The following RNF150 variants were observed in gnomAD, a reference collection of about 807,000 sequenced individuals.
The protein encoded by RNF150 is ring finger protein 150.
In RNF150, 24 loss-of-function variants were observed where a neutral mutation model predicts 39.3. The observed-to-expected ratio is 0.61, with a 90% CI of 0.44 to 0.86. The LOEUF (loss-of-function observed/expected upper bound fraction) is 0.86, where lower values mean the gene tolerates loss of function less well. RNF150 is among the 40% of genes least tolerant of loss of function. The pLI is 0.00. For synonymous variants in RNF150, 255 were observed against 227.3 expected, an observed-to-expected ratio of 1.12 and a Z score of -1.10; for missense variants, 502 against 587.8, an observed-to-expected ratio of 0.85 and a Z score of 1.51.
intron 6 of RNF150, among the ~76,000 whole-genome samples, chr4:140,873,411 T>TC (rs1465929294): frequency 2.0e-5 from 3 of 151,460 alleles, no homozygotes; most frequent in South Asian, 2.1e-4. Flanking sequence ...AGGAAGGTAA[T>TC]CCCCCCAAAG....
chr4:141,135,636 A>G (rs1436013079), upstream of RNF150, among the ~76,000 whole-genome samples: 2 of 152,236 alleles, frequency 1.3e-5, no homozygotes, highest in Admixed American at 1.3e-4. Context: ...AGAAATACCT[A>G]CTGATAAGGA....
At position 140,864,578 on chromosome 4, in the gene RNF150, C is replaced by T. The variant is rs2111166908; in HGVS notation, c.*3683G>A. 6.6e-6 allele frequency: 1 copy of T among 152,302 alleles called. No individual in the cohort carries two copies. Among genetic ancestry groups the T allele is most frequent in the East Asian group, 1.9e-4 (1 of 5,188 alleles). The allele number at this position is 152,302 out of a possible 1,614,324, so 9.4% of individuals were successfully genotyped here. A position where few individuals can be genotyped will look rare whatever the true frequency, so the allele number is the denominator to read the frequency against. ...TTCAAGAAGGCCACATAAAGTCTTG[C>T]ATTTCTCATTCTTTCCTCCCAAGTT... On this transcript the variant is annotated 3_prime_UTR_variant, in exon 7 of 7. Transcript: ENST00000515673.
intron 6 of RNF150, 156 bp downstream of exon 6, chr4:140,910,988 A>C: frequency 1.5e-6 from 1 of 652,310 alleles, no homozygotes; most frequent in East Asian, 2.7e-5. Context: ...GCTCTAGGAA[A>C]GGCAGTTCTT....
intron 1 of RNF150, among the ~76,000 whole-genome samples, chr4:141,205,992 ACT>A (rs1393636283): frequency 6.6e-6 from 1 of 151,834 alleles, no homozygotes; most frequent in Non-Finnish European, 1.5e-5. Context: ...AAGATGATCC[ACT>A]CTTTTTCCAA....
chr4:140,976,711 C>T (rs1418676186), intron 1 of RNF150, among the ~76,000 whole-genome samples: 1 of 151,908 alleles, frequency 6.6e-6, no homozygotes, highest in Non-Finnish European at 1.5e-5. Context: ...GCCCACATTC[C>T]ATGATCCACC....
chr4:140,964,294 C>T (rs1451079487), intron 2 of RNF150, among the ~76,000 whole-genome samples: 1 of 152,056 alleles, frequency 6.6e-6, no homozygotes, highest in Non-Finnish European at 1.5e-5. Context: ...TACTTAAACT[C>T]TCTGTGCTTA....
At chr4:140,960,915 A>G (rs1476702603) in intron 2 of RNF150, among the ~76,000 whole-genome samples, 2 of 152,136 alleles carry the variant, frequency 1.3e-5, no homozygotes, top group Non-Finnish European at 2.9e-5. Flanking sequence ...TATGTCACGC[A>G]TATTTTCTCA....
chr4:141,013,513 C>T lies in RNF150; in HGVS notation c.485-45640G>A, dbSNP rs76948068. Among the ~76,000 whole-genome samples, 491 of 152,288 alleles carry T rather than the reference C, an allele frequency of 3.2e-3. 2 individuals carry two copies. The highest frequency in any genetic ancestry group is 0.011 in the African/African-American group (473 of 41,558). The stretch of plus-strand genomic sequence containing the variant: ...TTTTGAGTTCACACCAAACTACATT[C>T]CAAAGAGTGGCTCTTCTAAGTCTTC... On this transcript the variant is annotated intron_variant, in intron 1 of 6. Transcript: ENST00000515673.
At chr4:140,964,493 C>A (rs941026746) in intron 2 of RNF150, among the ~76,000 whole-genome samples, 2 of 151,764 alleles carry the variant, frequency 1.3e-5, no homozygotes, top group African/African-American at 4.8e-5. Context: ...ATACAACAAT[C>A]CAAAATTTCC....
At chr4:140,886,190 C>CAAAAAAAAAAAA (rs1171164182) in intron 6 of RNF150, among the ~76,000 whole-genome samples, 1 of 73,356 alleles carries the variant, frequency 1.4e-5, no homozygotes, top group Non-Finnish European at 2.6e-5. Flanking sequence ...GACTCCATCA[C>CAAAAAAAAAAAA]AAAAAAAAAA....
intron 5 of RNF150, among the ~76,000 whole-genome samples, chr4:140,912,008 T>C (rs1014827872): frequency 2.0e-5 from 3 of 152,242 alleles, no homozygotes; most frequent in African/African-American, 7.2e-5. Flanking sequence ...CATAAGACTA[T>C]GGTGAGACCC....
rs542342527 is a variant in RNF150, at chr4:141,178,351, T to G, written c.-6+34443A>C. The stretch of plus-strand genomic sequence containing the variant: ...AATTAACAATGCTGGCATAATGGAG[T>G]CTTTTTACATGCCTTGTGATGCAAA... On this transcript the variant is annotated intron_variant, in intron 1 of 7. Coordinates refer to the RNF150 transcript ENST00000420921. 9.2e-5 allele frequency among the ~76,000 whole-genome samples: 14 copies of G among 152,218 alleles called. 1 individual carries two copies. The South Asian group carries it at 2.9e-3, about 32-fold the overall frequency.
At chr4:141,196,993 T>C (rs946496054) in intron 1 of RNF150, among the ~76,000 whole-genome samples, 8 of 152,182 alleles carry the variant, frequency 5.3e-5, no homozygotes, top group Non-Finnish European at 1.0e-4. Flanking sequence ...AACATGAACA[T>C]AAATTAATCT....
rs1349549652 is a variant in RNF150 at position 140,864,632 on chromosome 4, G to A, written c.*3629C>T. The A allele has an allele frequency of 6.6e-6, 1 of 152,154 alleles. No individual in the cohort carries two copies. The highest frequency in any genetic ancestry group is 2.4e-5 in the African/African-American group (1 of 41,420). The allele number at this position is 152,154 out of a possible 1,614,324, so 9.4% of individuals were successfully genotyped here. A position where few individuals can be genotyped will look rare whatever the true frequency, so the allele number is the denominator to read the frequency against. On this transcript the variant is annotated 3_prime_UTR_variant, in exon 7 of 7. Coordinates refer to ENST00000515673, the MANE Select transcript of RNF150 (RefSeq NM_020724.2). ...GAGTTTTCACTACAGCTGTGGGACT[G>A]GGGGACACTGGGAAAGGACTTTCAC...
chr4:141,099,710 T>C (rs1738937084), intron 1 of RNF150, among the ~76,000 whole-genome samples: 2 of 152,068 alleles, frequency 1.3e-5, no homozygotes, highest in Admixed American at 6.6e-5. Flanking sequence ...GATGTCAGTC[T>C]GAACACAAGG....
chr4:141,170,462 A>G (rs909996207), intron 1 of RNF150, among the ~76,000 whole-genome samples: 11 of 152,214 alleles, frequency 7.2e-5, no homozygotes, highest in African/African-American at 2.7e-4. Context: ...AAAAGCAATA[A>G]AAAGTAACTC....
At chr4:141,022,727 A>T (rs542757444) in intron 1 of RNF150, among the ~76,000 whole-genome samples, 2 of 152,314 alleles carry the variant, frequency 1.3e-5, no homozygotes, top group South Asian at 2.1e-4. Context: ...CATCAAGTTG[A>T]GAAAGTATTT....
Position 141,006,594 on chromosome 4 carries a change from G to T in RNF150, c.485-38721C>A, listed in dbSNP as rs1734882351. On this transcript the variant is annotated intron_variant, in intron 1 of 6. Coordinates refer to ENST00000515673, the MANE Select transcript of RNF150 (RefSeq NM_020724.2). Reference sequence around the variant, plus strand: ...AGACGCTTGTTTTGTTTGACATTAGGAAATCTGAAGTTGTGGCACTGCCAA... The same window carrying T: ...AGACGCTTGTTTTGTTTGACATTAGTAAATCTGAAGTTGTGGCACTGCCAA... Among the ~76,000 whole-genome samples the T allele has an allele frequency of 2.0e-5, 3 of 152,268 alleles. No homozygotes were observed. In the South Asian group the frequency reaches 6.2e-4, roughly 32 times the overall value.
In RNF150 at chr4:141,027,952, T is replaced by TTTTTTTTTTTTTG. The variant is rs1553938684; in HGVS notation, c.485-60080_485-60079insCAAAAAAAAAAAA. On this transcript the variant is annotated intron_variant, in intron 1 of 6. Coordinates refer to ENST00000515673, the MANE Select transcript of RNF150 (RefSeq NM_020724.2). ...TTTTTTTTTTTTTTTTTTTTTTTTT[T>TTTTTTTTTTTTTG]CAATCCTGCTGGATCAAGATGTATA... 8.2e-4 allele frequency among the ~76,000 whole-genome samples: 59 copies of TTTTTTTTTTTTTG among 71,610 alleles called. 11 individuals are homozygous for TTTTTTTTTTTTTG. Among genetic ancestry groups the TTTTTTTTTTTTTG allele is most frequent in the Non-Finnish European group, 1.2e-3 (42 of 34,326 alleles). The allele number at this position is 71,610 out of a possible 152,430, so 47.0% of individuals were successfully genotyped here.
Sources: gnomAD v4.1 joint callset for allele counts (sites outside exome capture counted in the v4.1 genomes callset) on GRCh38, gnomAD v4.1.1 for gene constraint, MANE v1.5 for transcripts, NCBI Gene and HGNC (gene_info 2026-07-23, HGNC 2026-07-21) for gene names.